The following GALNT7 variants were observed in gnomAD, a reference collection of about 807,000 sequenced individuals.
The protein encoded by GALNT7 is N-acetylgalactosaminyltransferase 7.
GALNT7 carries 60 observed loss-of-function variants against 82.1 expected under a neutral mutation model. The observed-to-expected ratio is 0.73, with a 90% CI of 0.59 to 0.91. The LOEUF (loss-of-function observed/expected upper bound fraction) is 0.91, where lower values mean the gene tolerates loss of function less well. GALNT7 is among the 40% of genes least tolerant of loss of function. The pLI, the probability that GALNT7 is intolerant of heterozygous loss-of-function variation, is 0.00. For missense variants in GALNT7, 660 were observed against 804.2 expected, an observed-to-expected ratio of 0.82 and a Z score of 2.17; for synonymous variants, 243 against 275.1, an observed-to-expected ratio of 0.88 and a Z score of 1.15.
At chr4:173,314,278 T>C in intron 9 of GALNT7, 102 bp downstream of exon 9, 3 of 838,318 alleles carry the variant, frequency 3.6e-6, no homozygotes, top group Admixed American at 1.9e-5. Flanking sequence ...TGGGGAAAAG[T>C]TGGGGTAAAA....
intron 6 of GALNT7, 86 bp from the exon 7 acceptor site, chr4:173,301,961 C>T: frequency 1.5e-6 from 1 of 687,404 alleles, no homozygotes; most frequent in Non-Finnish European, 2.6e-6. Context: ...CATTTTCAGG[C>T]TGTATTCTAC....
chr4:173,317,159 G>A (rs1213252693), intron 9 of GALNT7: 1 of 152,312 alleles, frequency 6.6e-6, no homozygotes, highest in Non-Finnish European at 1.5e-5. Flanking sequence ...AAGCCTCACT[G>A]CCTGGTCATG....
intron 9 of GALNT7, chr4:173,317,306 G>T: frequency 4.0e-6 from 1 of 248,310 alleles, no homozygotes; most frequent in Non-Finnish European, 8.0e-6. Context: ...TACCACTGTG[G>T]TTAGGTTCTC....
At chr4:173,174,826 A>G (rs189640648) in intron 1 of GALNT7, among the ~76,000 whole-genome samples, 3 of 152,360 alleles carry the variant, frequency 2.0e-5, no homozygotes, top group African/African-American at 4.8e-5. Context: ...GCCTTTGGGG[A>G]ATGCACAGTT....
At chr4:173,184,499 G>A (rs767932109) in intron 1 of GALNT7, among the ~76,000 whole-genome samples, 15 of 151,864 alleles carry the variant, frequency 9.9e-5, no homozygotes, top group Non-Finnish European at 2.1e-4. Context: ...TCGGCAGGCT[G>A]AGGCAGGAGA....
intron 1 of GALNT7, among the ~76,000 whole-genome samples, chr4:173,208,385 T>C (rs1401918612): frequency 6.6e-6 from 1 of 152,196 alleles, no homozygotes; most frequent in Non-Finnish European, 1.5e-5. Flanking sequence ...CTATTAATAT[T>C]TGATATTTTA....
rs879733747 is a variant in GALNT7 at position 173,323,339 on chromosome 4, C to G, written c.*1622C>G. The G allele has an allele frequency of 1.4e-4, 21 of 152,564 alleles. No individual in the cohort carries two copies. Among genetic ancestry groups the G allele is most frequent in the Non-Finnish European group, 2.4e-4 (16 of 67,984 alleles). The allele number at this position is 152,564 out of a possible 1,614,324, so 9.5% of individuals were successfully genotyped here. A position where few individuals can be genotyped will look rare whatever the true frequency, so the allele number is the denominator to read the frequency against. ...TTGGAGACTCAAAGTTAAACATCCT[C>G]AACAGAGTTTTATTTATAATTTTGA... On this transcript the variant is annotated 3_prime_UTR_variant, in exon 12 of 12. Transcript: ENST00000265000.
rs1484048901 is a variant in GALNT7, at chr4:173,303,995, G to T, written c.1267-1G>T. The T allele has an allele frequency of 1.2e-6, 2 of 1,605,194 alleles. No homozygotes were observed. Among genetic ancestry groups the T allele is most frequent in the Non-Finnish European group, 1.7e-6 (2 of 1,175,892 alleles). On this transcript the variant is annotated splice_acceptor_variant, in intron 7 of 11. Coordinates refer to ENST00000265000, the MANE Select transcript of GALNT7 (RefSeq NM_017423.3). LOFTEE classifies it high-confidence loss of function. ...TTTCACAACGTGTTTTTCCTTCATA[G>T]ATATGGCAGTGTGGTGGCAAATTAT...
At chr4:173,205,256 G>A (rs544134963) in intron 1 of GALNT7, among the ~76,000 whole-genome samples, 7 of 152,144 alleles carry the variant, frequency 4.6e-5, no homozygotes, top group East Asian at 1.9e-4. Flanking sequence ...GGCTGACCAC[G>A]TACTGGGATG....
At chr4:173,298,431 C>T in intron 6 of GALNT7, 134 bp downstream of exon 6, 1 of 634,732 alleles carries the variant, frequency 1.6e-6, no homozygotes. Flanking sequence ...TTTCCTTACA[C>T]TGTTTCAGAG....
At chr4:173,200,217 AAGTC>A (rs764473066) in intron 1 of GALNT7, among the ~76,000 whole-genome samples, 11 of 152,168 alleles carry the variant, frequency 7.2e-5, no homozygotes, top group Non-Finnish European at 7.4e-5. Flanking sequence ...ATCCTATTGA[AAGTC>A]AGTCACCTTT....
chr4:173,297,623 A>C (rs1292878470), intron 5 of GALNT7, among the ~76,000 whole-genome samples: 6 of 152,204 alleles, frequency 3.9e-5, no homozygotes, highest in African/African-American at 1.4e-4. Context: ...TCCTGCCCTT[A>C]CGTAAACAGG....
intron 1 of GALNT7, 59 bp from the exon 2 acceptor site, chr4:173,247,921 G>T: frequency 9.0e-7 from 1 of 1,110,270 alleles, no homozygotes; most frequent in Non-Finnish European, 1.3e-6. Context: ...GGTCTCATGA[G>T]CTCTACTGTG....
chr4:173,257,800 A>G (rs756049414), intron 2 of GALNT7, among the ~76,000 whole-genome samples: 55 of 152,236 alleles, frequency 3.6e-4, no homozygotes, highest in Non-Finnish European at 1.2e-4. Context: ...TAAAACCATG[A>G]TAAGGGCTCT....
chr4:173,236,395 G>A (rs1482111898), intron 1 of GALNT7, among the ~76,000 whole-genome samples: 1 of 152,166 alleles, frequency 6.6e-6, no homozygotes, highest in Non-Finnish European at 1.5e-5. Flanking sequence ...TTTGCCTTCT[G>A]TAGTATTTTA....
At chr4:173,250,299 C>T (rs1160411230) in intron 2 of GALNT7, among the ~76,000 whole-genome samples, 1 of 152,144 alleles carries the variant, frequency 6.6e-6, no homozygotes, top group Non-Finnish European at 1.5e-5. Flanking sequence ...AATTTTAGCA[C>T]ATAAACTGTT....
chr4:173,238,851 C>G (rs1215225897), intron 1 of GALNT7, among the ~76,000 whole-genome samples: 1 of 152,088 alleles, frequency 6.6e-6, no homozygotes, highest in Non-Finnish European at 1.5e-5. Flanking sequence ...AATTAGTTGT[C>G]TATGATAACT....
At chr4:173,304,216 C>T (rs1580007135) in intron 8 of GALNT7, 98 bp downstream of exon 8, 1 of 925,986 alleles carries the variant, frequency 1.1e-6, no homozygotes, top group Non-Finnish European at 1.6e-6. Context: ...TGAGTGGGCT[C>T]TTCAGCAGTC....
At chr4:173,237,496 C>G (rs1734274693) in intron 1 of GALNT7, among the ~76,000 whole-genome samples, 1 of 152,186 alleles carries the variant, frequency 6.6e-6, no homozygotes, top group Admixed American at 6.5e-5. Context: ...AACACAAATG[C>G]CACATTTGAC....
Sources: allele counts gnomAD v4.1 joint callset (sites outside exome capture counted in the v4.1 genomes callset), GRCh38; gene constraint gnomAD v4.1.1; transcripts MANE v1.5; gene names NCBI Gene and HGNC (gene_info 2026-07-23, HGNC 2026-07-21).